The following SLC51A variants were observed in gnomAD, a reference collection of about 807,000 sequenced individuals.
SLC51A encodes organic solute transporter subunit alpha.
In SLC51A, 22 loss-of-function variants were observed where a neutral mutation model predicts 34.8. That is an observed-to-expected ratio of 0.63 (90% CI 0.45 to 0.90). The LOEUF is 0.90. Among genes scored for constraint, SLC51A ranks in the 40% least tolerant of loss-of-function variants. The pLI is 0.00. For missense variants in SLC51A, 371 were observed against 414.8 expected (o/e 0.89, Z 0.92); for synonymous variants, 181 against 176.3 (o/e 1.03, Z -0.21).
chr3:196,224,195 A>G (rs1303251701), intron 2 of SLC51A, among the ~76,000 whole-genome samples: 1 of 151,756 alleles, frequency 6.6e-6, no homozygotes, highest in East Asian at 1.9e-4. Flanking sequence ...TGTAGAAATC[A>G]TACTATTCCT....
intron 2 of SLC51A, among the ~76,000 whole-genome samples, chr3:196,219,154 A>T (rs1424344688): frequency 6.6e-6 from 1 of 152,144 alleles, no homozygotes; most frequent in Non-Finnish European, 1.5e-5. Flanking sequence ...TGAACTCGGG[A>T]GGCGGAGGTT....
rs188360711 is a variant in SLC51A, at chr3:196,221,353, G to A, written c.133+3417G>A. On this transcript the variant is annotated intron_variant, in intron 2 of 8. Coordinates refer to ENST00000296327, the MANE Select transcript of SLC51A (RefSeq NM_152672.6). ...TTAAAATCACGGCTCACGGCAGCTCGAGCTCTGGGCTCAAGTGATCCTCCC... is the reference window on the plus strand; with the variant it reads ...TTAAAATCACGGCTCACGGCAGCTCAAGCTCTGGGCTCAAGTGATCCTCCC... 1.1e-4 allele frequency among the ~76,000 whole-genome samples: 16 copies of A among 150,932 alleles called. No individual in the cohort carries two copies. In the South Asian group the frequency reaches 2.5e-3, roughly 24 times the overall value.
chr3:196,232,344 C>T (rs1001240264), intron 7 of SLC51A, 75 bp from the exon 8 acceptor site: 99 of 1,179,134 alleles, frequency 8.4e-5, no homozygotes, highest in African/African-American at 6.0e-5. Context: ...GGGCAAGGCC[C>T]GGCAGTGGGC....
At chr3:196,223,950 C>T in intron 2 of SLC51A, 1 of 374,708 alleles carries the variant, frequency 2.7e-6, no homozygotes, top group South Asian at 1.9e-5. Flanking sequence ...ACCTCCACCT[C>T]CCAGTTCAAG....
chr3:196,217,331 C>G (rs1338908187), intron 1 of SLC51A, among the ~76,000 whole-genome samples: 1 of 152,134 alleles, frequency 6.6e-6, no homozygotes, highest in African/African-American at 2.4e-5. Flanking sequence ...TCCTGGAGTT[C>G]GAGACCAGTG....
At chr3:196,225,217 G>T (rs532756965) in intron 2 of SLC51A, among the ~76,000 whole-genome samples, 1 of 151,834 alleles carries the variant, frequency 6.6e-6, no homozygotes, top group African/African-American at 2.4e-5. Context: ...CAAGTGATCC[G>T]CCCACCTCAG....
rs1262896463 is a variant in SLC51A, at chr3:196,227,929, C to T, written c.363-186C>T. On this transcript the variant is annotated intron_variant, in intron 4 of 8. Transcript: ENST00000296327. The stretch of plus-strand genomic sequence containing the variant: ...CATCTGGCACATTCCTCAGCCAGCC[C>T]TCTGTTCCCACAGTCTGAAATTCCC... 4.2e-6 allele frequency: 4 copies of T among 962,450 alleles called. No homozygotes were observed. In the African/African-American group the frequency reaches 6.6e-5, roughly 16 times the overall value. The allele number at this position is 962,450 out of a possible 1,614,324, so 59.6% of individuals were successfully genotyped here.
chr3:196,228,110 C>T lies in SLC51A; in HGVS notation c.363-5C>T. 6.2e-7 allele frequency: 1 copy of T among 1,611,982 alleles called. No homozygotes were observed. The highest frequency in any genetic ancestry group is 8.5e-7 in the Non-Finnish European group (1 of 1,178,742). On this transcript the variant is annotated splice_polypyrimidine_tract_variant and splice_region_variant and intron_variant, in intron 4 of 8. Coordinates refer to ENST00000296327, the MANE Select transcript of SLC51A (RefSeq NM_152672.6). The surrounding 1 kb of genome is among the most constrained non-coding windows in gnomAD (Gnocchi z 4.9). ...CTCGTAGGCCCTCTTCTCTCCCCAC[C>T]CCAGGTTTTATGCCGTGTGCTTTTA...
chr3:196,229,345 G>A (rs1028780481), intron 6 of SLC51A, among the ~76,000 whole-genome samples: 100 of 151,080 alleles, frequency 6.6e-4, no homozygotes, highest in Non-Finnish European at 1.0e-3. Context: ...AGGAGTTTGC[G>A]ACCAGCTTGG....
intron 6 of SLC51A, 86 bp from the exon 7 acceptor site, chr3:196,229,829 G>A (rs1219849261): frequency 6.8e-6 from 10 of 1,469,982 alleles, no homozygotes; most frequent in Middle Eastern, 2.2e-4. Flanking sequence ...CTTTCAGCTG[G>A]GTGACAGAGT....
rs1315540848 is a variant in SLC51A at position 196,227,021 on chromosome 3, T to A, written c.190T>A (p.Ser64Thr). 6.2e-7 allele frequency: 1 copy of A among 1,614,016 alleles called. No individual in the cohort carries two copies. Among genetic ancestry groups the A allele is most frequent in the Non-Finnish European group, 8.5e-7 (1 of 1,179,996 alleles). The change falls in exon 3 of 9, where the codon TCC becomes ACC. Residue 64 changes from serine (S) to threonine (T), a missense_variant. Transcript: ENST00000296327. The part of the protein sequence containing the change: ...TSILTLLALG[S>T]IAIFLEDAVY... ...CATCCTGACCTTGCTGGCGCTGGGC[T>A]CCATTGCCATCTTCCTGGAGGATGC...
At chr3:196,229,718 G>A (rs1723987043) in intron 6 of SLC51A, 197 bp from the exon 7 acceptor site, 1 of 418,582 alleles carries the variant, frequency 2.4e-6, no homozygotes, top group Non-Finnish European at 4.0e-6. Context: ...GCTGGGAATG[G>A]TGGTGTGCAC....
chr3:196,227,356 C>G, intron 3 of SLC51A: 1 of 593,814 alleles, frequency 1.7e-6, no homozygotes, highest in Non-Finnish European at 3.0e-6. Context: ...GCCCACCAGC[C>G]GCCTCATCCT....
Position 196,233,116 on chromosome 3 carries a change from C to G in SLC51A, c.940C>G (p.Arg314Gly). Reference protein sequence around the residue: ...LETFLMTVLTRMYYRRKDHKV... With the variant: ...LETFLMTVLTGMYYRRKDHKV... ...GACTTTTCTAATGACTGTGCTGACACGAATGTACTACCGAAGGAAAGACCA... is the reference window on the plus strand; with the variant it reads ...GACTTTTCTAATGACTGTGCTGACAGGAATGTACTACCGAAGGAAAGACCA... Residue 314 changes from arginine (R) to glycine (G), a missense_variant, in exon 9 of 9, where the codon CGA (arginine) becomes GGA (glycine). Physicochemically the swap from Arg to Gly is moderately radical, Grantham distance 125. Transcript: ENST00000296327. 12 of 1,614,126 alleles carry G rather than the reference C, an allele frequency of 7.4e-6. No individual in the cohort carries two copies. The highest frequency in any genetic ancestry group is 1.0e-5 in the Non-Finnish European group (12 of 1,179,956).
chr3:196,224,447 C>T (rs976600368), intron 2 of SLC51A, among the ~76,000 whole-genome samples: 4 of 150,792 alleles, frequency 2.7e-5, no homozygotes, highest in Admixed American at 6.6e-5. Flanking sequence ...GTAATCCCAG[C>T]ACTTTGGGAG....
At position 196,228,610 on chromosome 3, in the gene SLC51A, G is replaced by C. The variant is rs559136281; in HGVS notation, c.522-199G>C. Reference sequence around the variant, plus strand: ...ACCTCGCTCCAAAGACGGAATTCTTGTCTGGAGGTGAGTGGGAGACCAAGA... The same window carrying C: ...ACCTCGCTCCAAAGACGGAATTCTTCTCTGGAGGTGAGTGGGAGACCAAGA... On this transcript the variant is annotated intron_variant, in intron 5 of 8. Transcript: ENST00000296327. This position sits in a 1 kb window ranked among gnomAD's most constrained non-coding sequence, Gnocchi z 4.9. 382 of 612,492 alleles carry C rather than the reference G, an allele frequency of 6.2e-4. 6 individuals are homozygous for C. Among genetic ancestry groups the C allele is most frequent in the South Asian group, 5.1e-3 (256 of 50,178 alleles). The allele number at this position is 612,492 out of a possible 1,614,324, so 37.9% of individuals were successfully genotyped here. A position where few individuals can be genotyped will look rare whatever the true frequency, so the allele number is the denominator to read the frequency against.
In SLC51A at chr3:196,227,663, G is replaced by C. The variant is rs765047824; in HGVS notation, c.289-1G>C. On this transcript the variant is annotated splice_acceptor_variant, in intron 3 of 8. Transcript: ENST00000296327. LOFTEE classifies it high-confidence loss of function. ...CACCTGCTCCTGCCCCTTCTGAGCA[G>C]GTGGTGTCTGTGCTGTGCTGCTTTG... 1 of 1,613,768 alleles carries C rather than the reference G, an allele frequency of 6.2e-7. No individual in the cohort carries two copies. Among genetic ancestry groups the C allele is most frequent in the African/African-American group, 1.3e-5 (1 of 74,916 alleles).
In SLC51A at chr3:196,228,404, C is replaced by T. The variant is rs1227028808; in HGVS notation, c.521+131C>T. On this transcript the variant is annotated intron_variant, in intron 5 of 8. Transcript: ENST00000296327. This position sits in a 1 kb window ranked among gnomAD's most constrained non-coding sequence, Gnocchi z 4.9. ...GACGGAAGGGTGGGCATCCCACGGC[C>T]AGGACCCACGGGCGCCACCCTCAGG... 27 of 1,220,906 alleles carry T rather than the reference C, an allele frequency of 2.2e-5. No homozygotes were observed. The highest frequency in any genetic ancestry group is 2.9e-4 in the Middle Eastern group (1 of 3,482). 75.6% of individuals were successfully genotyped at this position (1,220,906 alleles called of 1,614,324 possible). A position where few individuals can be genotyped will look rare whatever the true frequency, so the allele number is the denominator to read the frequency against.
intron 4 of SLC51A, 93 bp downstream of exon 4, chr3:196,227,830 T>C: frequency 8.1e-7 from 1 of 1,238,988 alleles, no homozygotes; most frequent in South Asian, 1.4e-5. Flanking sequence ...TGACCATGTA[T>C]CTGGCCCTTC....
Sources: gnomAD v4.1 joint callset for allele counts (sites outside exome capture counted in the v4.1 genomes callset) on GRCh38, gnomAD v4.1.1 for gene constraint, Gnocchi (gnomAD v3.1) non-coding constraint, MANE v1.5 for transcripts, NCBI Gene and HGNC (gene_info 2026-07-23, HGNC 2026-07-21) for gene names.